The following MEF2C variants were observed in gnomAD, a reference collection of about 807,000 sequenced individuals.
The protein encoded by MEF2C is myocyte-specific enhancer factor 2C.
MEF2C carries 6 observed loss-of-function variants against 50.5 expected under a neutral mutation model. That is an observed-to-expected ratio of 0.12 (90% confidence interval 0.07 to 0.23). The LOEUF (loss-of-function observed/expected upper bound fraction) is 0.23. Among genes scored for constraint, MEF2C ranks in the 10% least tolerant of loss-of-function variants. The probability of loss-of-function intolerance (pLI) is 1.00; values close to 1 mark genes in which losing one functional copy is unlikely to be tolerated. For synonymous variants in MEF2C, 183 were observed against 228.0 expected, an observed-to-expected ratio of 0.80 and a Z score of 1.78; for missense variants, 276 against 605.0, an observed-to-expected ratio of 0.46 and a Z score of 5.70.
At chr5:88,773,018 T>G (rs1165539400) in intron 3 of MEF2C, 1 of 639,900 alleles carries the variant, frequency 1.6e-6, no homozygotes, top group Admixed American at 6.3e-5. Context: ...GTATCAGGAG[T>G]GCAGAGCGTC....
intron 1 of MEF2C, among the ~76,000 whole-genome samples, chr5:88,846,610 C>G (rs1404510562): frequency 1.3e-5 from 2 of 152,178 alleles, no homozygotes; most frequent in Non-Finnish European, 2.9e-5. Flanking sequence ...CAGTTTATCC[C>G]TGCAGGGAGA....
At chr5:88,861,301 T>C (rs1418393024) in intron 1 of MEF2C, among the ~76,000 whole-genome samples, 1 of 152,222 alleles carries the variant, frequency 6.6e-6, no homozygotes, top group East Asian at 1.9e-4. Flanking sequence ...CCCAGACTGA[T>C]GAAATCAGGA....
intron 1 of MEF2C, among the ~76,000 whole-genome samples, chr5:88,866,067 T>C (rs1827266670): frequency 6.6e-6 from 1 of 152,082 alleles, no homozygotes; most frequent in Non-Finnish European, 1.5e-5. Flanking sequence ...GGCTAATTTT[T>C]TGTATTTTTT....
At chr5:88,805,890 T>A (rs2153082229) in intron 2 of MEF2C, among the ~76,000 whole-genome samples, 1 of 143,530 alleles carries the variant, frequency 7.0e-6, no homozygotes, top group Admixed American at 7.1e-5. Flanking sequence ...TGGTCCAGTG[T>A]TTCCCATCTA....
chr5:88,762,753 A>C (rs1778432991), intron 3 of MEF2C, among the ~76,000 whole-genome samples: 1 of 152,186 alleles, frequency 6.6e-6, no homozygotes, highest in Admixed American at 6.5e-5. Context: ...ATCCGTTATA[A>C]AGAGATGCAT....
At chr5:88,902,645 C>A (rs1187118359) in intron 1 of MEF2C, among the ~76,000 whole-genome samples, 3 of 151,616 alleles carry the variant, frequency 2.0e-5, no homozygotes, top group Non-Finnish European at 3.0e-5. Context: ...AAAGTCAGAC[C>A]TTATTTTTTT....
At chr5:88,783,383 C>A (rs1489762842) in intron 3 of MEF2C, among the ~76,000 whole-genome samples, 1 of 152,126 alleles carries the variant, frequency 6.6e-6, no homozygotes, top group African/African-American at 2.4e-5. Context: ...AATCCCAGCA[C>A]TTTGGGAGGC....
chr5:88,822,141 A>G (rs571640638), intron 2 of MEF2C, among the ~76,000 whole-genome samples: 3 of 152,020 alleles, frequency 2.0e-5, no homozygotes, highest in East Asian at 3.9e-4. Context: ...ACCTGCAAAA[A>G]TTTTCTTCTA....
At chr5:88,761,056 G>A (rs773137951) in intron 4 of MEF2C, 129 bp downstream of exon 4, 40 of 1,613,608 alleles carry the variant, frequency 2.5e-5, no homozygotes, top group African/African-American at 1.2e-4. Flanking sequence ...TCTTCAGTGC[G>A]TGGGGTGAGT....
chr5:88,736,716 T>C (rs1764280096), intron 6 of MEF2C: 1 of 985,422 alleles, frequency 1.0e-6, no homozygotes, highest in Non-Finnish European at 1.2e-6. Flanking sequence ...ATGTTCCTTT[T>C]TCATACATGA....
At chr5:88,729,851 T>C (rs1457811025) in intron 8 of MEF2C, among the ~76,000 whole-genome samples, 1 of 152,124 alleles carries the variant, frequency 6.6e-6, no homozygotes. Context: ...AAGCAGCTAA[T>C]GCGAATATTT....
At chr5:88,784,818 G>A (rs984848088) in intron 3 of MEF2C, among the ~76,000 whole-genome samples, 1 of 152,096 alleles carries the variant, frequency 6.6e-6, no homozygotes, top group Non-Finnish European at 1.5e-5. Context: ...GGTTTCGCAG[G>A]GTTGTATGTC....
intron 1 of MEF2C, among the ~76,000 whole-genome samples, chr5:88,832,682 C>T (rs1242156956): frequency 6.6e-6 from 1 of 152,142 alleles, no homozygotes; most frequent in Admixed American, 6.6e-5. Flanking sequence ...TTTTGAACAA[C>T]TGCAGCAGTT....
At chr5:88,752,785 A>T in intron 4 of MEF2C, 1 of 985,128 alleles carries the variant, frequency 1.0e-6, no homozygotes, top group Non-Finnish European at 1.2e-6. Flanking sequence ...GGTTTCAATG[A>T]TTGATTTTTG....
intron 3 of MEF2C, among the ~76,000 whole-genome samples, chr5:88,778,835 G>GAACCACA (rs1389042612): frequency 6.6e-6 from 1 of 152,212 alleles, no homozygotes; most frequent in African/African-American, 2.4e-5. Flanking sequence ...AGAGCTTCAA[G>GAACCACA]AACCACAAAC....
chr5:88,787,089 C>T (rs946817485), intron 3 of MEF2C, among the ~76,000 whole-genome samples: 1 of 151,880 alleles, frequency 6.6e-6, no homozygotes, highest in Non-Finnish European at 1.5e-5. Context: ...CCTGGAGGGC[C>T]GTGAACACCA....
chr5:88,777,278 A>T (rs374034998), intron 3 of MEF2C, among the ~76,000 whole-genome samples: 11 of 152,168 alleles, frequency 7.2e-5, no homozygotes, highest in Admixed American at 7.2e-4. Context: ...ATTTTAATTG[A>T]ATCCATTCCT....
At chr5:88,804,899 G>T in intron 2 of MEF2C, 98 bp from the exon 3 acceptor site, 1 of 901,330 alleles carries the variant, frequency 1.1e-6, no homozygotes, top group Non-Finnish European at 1.7e-6. Context: ...ACAATGGTGT[G>T]TAGTTGTCAG....
chr5:88,890,383 T>C (rs1234901583), intron 1 of MEF2C, among the ~76,000 whole-genome samples: 3 of 152,236 alleles, frequency 2.0e-5, no homozygotes, highest in African/African-American at 7.2e-5. Context: ...TCTGGCATTG[T>C]GGAATACTCA....
Sources: gnomAD v4.1 joint callset for allele counts (sites outside exome capture counted in the v4.1 genomes callset) on GRCh38, gnomAD v4.1.1 for gene constraint, MANE v1.5 for transcripts, NCBI Gene and HGNC (gene_info 2026-07-23, HGNC 2026-07-21) for gene names.